MGAT5: variants seen among roughly 807,000 people sequenced by gnomAD.
MGAT5 encodes alpha-1,6-mannosylglycoprotein 6-beta-N-acetylglucosaminyltransferase A.
Under a neutral mutation model 94.3 loss-of-function variants are expected in MGAT5, and 30 were observed. The observed-to-expected ratio is 0.32, with a 90% CI of 0.24 to 0.43. The LOEUF (loss-of-function observed/expected upper bound fraction) is 0.43, where lower values mean the gene tolerates loss of function less well. Among genes scored for constraint, MGAT5 ranks in the 20% least tolerant of loss-of-function variants. The pLI, the probability that MGAT5 is intolerant of heterozygous loss-of-function variation, is 1.00. For synonymous variants in MGAT5, 310 were observed against 322.9 expected, an observed-to-expected ratio of 0.96 and a Z score of 0.43; for missense variants, 691 against 905.5, an observed-to-expected ratio of 0.76 and a Z score of 3.04.
intron 1 of MGAT5, among the ~76,000 whole-genome samples, chr2:134,180,166 A>G (rs1688667740): frequency 6.6e-6 from 1 of 152,232 alleles, no homozygotes; most frequent in South Asian, 2.1e-4. Context: ...AAATAACTGT[A>G]AGTATACTCA....
rs1386658961 is a variant in MGAT5 at position 134,383,639 on chromosome 2, T to C, written c.1381-19349T>C. On this transcript the variant is annotated intron_variant, in intron 10 of 15. Transcript: ENST00000281923. The stretch of plus-strand genomic sequence containing the variant: ...AATACAGGGATTAATCTCAAAGCTC[T>C]AAATCAGTAGTTCACAAACTGCAGC... 2.6e-5 allele frequency among the ~76,000 whole-genome samples: 4 copies of C among 152,212 alleles called. No homozygotes were observed. In the East Asian group the frequency reaches 5.8e-4, roughly 22 times the overall value.
chr2:134,340,127 A>T lies in MGAT5; in HGVS notation c.808-1463A>T, dbSNP rs184441676. Among the ~76,000 whole-genome samples, 391 of 152,334 alleles carry T rather than the reference A, an allele frequency of 2.6e-3. 1 individual carries two copies. Among genetic ancestry groups the T allele is most frequent in the African/African-American group, 8.8e-3 (367 of 41,582 alleles). ...GAATTGGAAGCACCAGTCTAAACTC[A>T]TGATTTGTTTTATCTTTGAGGAAGA... On this transcript the variant is annotated intron_variant, in intron 6 of 15. Coordinates refer to ENST00000281923, the MANE Select transcript of MGAT5 (RefSeq NM_002410.5).
Position 134,147,793 on chromosome 2 carries a change from G to T in MGAT5, c.-143+27502G>T, listed in dbSNP as rs530967677. Among the ~76,000 whole-genome samples the T allele has an allele frequency of 6.6e-4, 101 of 152,280 alleles. No individual in the cohort carries two copies. The South Asian group carries it at 1.0e-2, about 15-fold the overall frequency. Reference sequence around the variant, plus strand: ...CCTGTCCTCCTCCTTCCACGTCTATGCCTGGCAGTCCGTAAGCTTGGATGG... The same window carrying T: ...CCTGTCCTCCTCCTTCCACGTCTATTCCTGGCAGTCCGTAAGCTTGGATGG... On this transcript the variant is annotated intron_variant, in intron 1 of 16. Coordinates refer to the MGAT5 transcript ENST00000409645.
rs751746374 is a variant in MGAT5 at position 134,338,354 on chromosome 2, C to T, written c.741C>T (p.Asp247=). The T allele has an allele frequency of 2.4e-5, 39 of 1,612,776 alleles. No individual in the cohort carries two copies. In the Admixed American group the frequency reaches 2.8e-4, roughly 12 times the overall value. ...WMRLRIRRMA[D]AWIQAIKSLA... ...GACTACGGATCCGGCGAATGGCTGA[C>T]GCATGGATCCAAGCAATCAAGTCCC... The change falls in exon 6 of 16, where the codon GAC becomes GAT. Residue 247 remains aspartate (D), a synonymous_variant. Transcript: ENST00000281923.
intron 1 of MGAT5, among the ~76,000 whole-genome samples, chr2:134,191,612 G>T (rs990541078): frequency 3.4e-5 from 5 of 147,690 alleles, no homozygotes; most frequent in South Asian, 4.3e-4. Flanking sequence ...GGGAGGGTGG[G>T]TTCGCACCCT....
At chr2:134,332,695 A>G (rs1688051059) in intron 4 of MGAT5, among the ~76,000 whole-genome samples, 1 of 152,204 alleles carries the variant, frequency 6.6e-6, no homozygotes, top group South Asian at 2.1e-4. Context: ...CTCATCTGAC[A>G]AAGGGCTAAT....
intron 1 of MGAT5, among the ~76,000 whole-genome samples, chr2:134,246,983 C>T (rs1258744620): frequency 6.6e-6 from 1 of 152,122 alleles, no homozygotes; most frequent in Non-Finnish European, 1.5e-5. Flanking sequence ...AGCACAAAAC[C>T]AGGAGTTTGG....
chr2:134,331,649 G>C (rs1248185120), intron 4 of MGAT5, among the ~76,000 whole-genome samples: 4 of 152,054 alleles, frequency 2.6e-5, no homozygotes, highest in Non-Finnish European at 4.4e-5. Context: ...AGGGTACCCA[G>C]TGTGTCTCCA....
chr2:134,396,350 A>G (rs1203303940), intron 10 of MGAT5, among the ~76,000 whole-genome samples: 1 of 152,098 alleles, frequency 6.6e-6, no homozygotes, highest in Non-Finnish European at 1.5e-5. Flanking sequence ...CTTACCTCCA[A>G]TCTTGGAATA....
At chr2:134,395,328 A>G (rs1682645030) in intron 10 of MGAT5, among the ~76,000 whole-genome samples, 1 of 152,242 alleles carries the variant, frequency 6.6e-6, no homozygotes, top group African/African-American at 2.4e-5. Context: ...CATTCGTTAA[A>G]TGGCAGAAAG....
At chr2:134,324,897 T>C (rs1687549785) in intron 4 of MGAT5, among the ~76,000 whole-genome samples, 1 of 152,044 alleles carries the variant, frequency 6.6e-6, no homozygotes, top group Non-Finnish European at 1.5e-5. Context: ...GGCAGAGATT[T>C]ATGATCATGT....
intron 10 of MGAT5, among the ~76,000 whole-genome samples, chr2:134,364,119 A>G (rs1680269020): frequency 6.6e-6 from 1 of 152,226 alleles, no homozygotes; most frequent in Non-Finnish European, 1.5e-5. Flanking sequence ...CTAGAAAAAC[A>G]AAACAATAAA....
chr2:134,330,608 C>G (rs1687913937), intron 4 of MGAT5, among the ~76,000 whole-genome samples: 1 of 137,036 alleles, frequency 7.3e-6, no homozygotes, highest in East Asian at 2.1e-4. Context: ...ATATTCTAAG[C>G]CTTCATACAT....
chr2:134,440,189 C>T (rs191257033), intron 14 of MGAT5, among the ~76,000 whole-genome samples: 21 of 152,326 alleles, frequency 1.4e-4, no homozygotes, highest in Non-Finnish European at 7.3e-5. Context: ...ACTTAACACA[C>T]ATTCTTGGTA....
intron 1 of MGAT5, among the ~76,000 whole-genome samples, chr2:134,198,403 A>G (rs575129893): frequency 5.9e-5 from 9 of 152,312 alleles, no homozygotes; most frequent in African/African-American, 2.2e-4. Flanking sequence ...CCAAGCAAGG[A>G]GCAGGAAGTT....
chr2:134,149,301 A>T (rs1253682851), intron 1 of MGAT5, among the ~76,000 whole-genome samples: 2 of 152,218 alleles, frequency 1.3e-5, no homozygotes, highest in Non-Finnish European at 2.9e-5. Flanking sequence ...AAGATCAGTG[A>T]CAGGCAGCTA....
intron 12 of MGAT5, among the ~76,000 whole-genome samples, chr2:134,419,617 T>C (rs1684187557): frequency 6.9e-6 from 1 of 145,358 alleles, no homozygotes; most frequent in Non-Finnish European, 1.5e-5. Context: ...TGATATACAA[T>C]GAAGTATCTT....
chr2:134,379,645 C>T (rs183073350), intron 10 of MGAT5, among the ~76,000 whole-genome samples: 317 of 152,280 alleles, frequency 2.1e-3, no homozygotes, highest in Middle Eastern at 3.4e-3. Context: ...GGACTGCAGG[C>T]GTTATGAGGG....
chr2:134,313,536 A>G (rs1420579437), intron 2 of MGAT5, among the ~76,000 whole-genome samples: 2 of 152,168 alleles, frequency 1.3e-5, no homozygotes, highest in Admixed American at 1.3e-4. Context: ...AGGGTAACGG[A>G]TTAAACCGAA....
Sources: gnomAD v4.1 joint callset for allele counts (sites outside exome capture counted in the v4.1 genomes callset) on GRCh38, gnomAD v4.1.1 for gene constraint, MANE v1.5 for transcripts, NCBI Gene and HGNC (gene_info 2026-07-23, HGNC 2026-07-21) for gene names.